Variants in RNF180 observed in about 807,000 individuals in gnomAD.
RNF180 encodes the protein E3 ubiquitin-protein ligase RNF180.
Under a neutral mutation model 59.2 loss-of-function variants are expected in RNF180, and 38 were observed. The observed-to-expected ratio is 0.64, with a 90% CI of 0.50 to 0.84. The LOEUF is 0.84. Ranked by LOEUF, RNF180 falls within the 40% of genes least tolerant of loss-of-function variation. The pLI is 0.00. For synonymous variants in RNF180, 262 were observed against 240.3 expected (o/e 1.09, Z -0.84); for missense variants, 705 against 700.9 (o/e 1.01, Z -0.07).
chr5:64,289,511 T>C (rs1742462704), intron 5 of RNF180, among the ~76,000 whole-genome samples: 1 of 152,108 alleles, frequency 6.6e-6, no homozygotes, highest in African/African-American at 2.4e-5. Flanking sequence ...GCTGTAATCC[T>C]CCTGGTCCTG....
At chr5:64,267,662 T>A (rs937939195) in intron 5 of RNF180, among the ~76,000 whole-genome samples, 31 of 152,152 alleles carry the variant, frequency 2.0e-4, no homozygotes, top group African/African-American at 7.5e-4. Flanking sequence ...TTCATCCATG[T>A]CCCTACAAAG....
At chr5:64,211,780 G>A (rs767824440) in intron 2 of RNF180, among the ~76,000 whole-genome samples, 1 of 152,198 alleles carries the variant, frequency 6.6e-6, no homozygotes, top group Non-Finnish European at 1.5e-5. Flanking sequence ...GACACTAGAT[G>A]TGTTCATTCA....
chr5:64,333,980 A>C (rs1156526894), intron 7 of RNF180, among the ~76,000 whole-genome samples: 1 of 152,224 alleles, frequency 6.6e-6, no homozygotes, highest in Non-Finnish European at 1.5e-5. Context: ...TATAACCAAG[A>C]GTCTAAAACC....
At chr5:64,359,058 A>C (rs1746139790) in intron 7 of RNF180, among the ~76,000 whole-genome samples, 1 of 151,048 alleles carries the variant, frequency 6.6e-6, no homozygotes, top group Middle Eastern at 3.4e-3. Flanking sequence ...GGTTGGTTCC[A>C]AGTCTTTGCT....
At chr5:64,299,818 T>C (rs1283981784) in intron 5 of RNF180, among the ~76,000 whole-genome samples, 3 of 151,954 alleles carry the variant, frequency 2.0e-5, no homozygotes, top group Non-Finnish European at 4.4e-5. Flanking sequence ...TGTAGTCAAC[T>C]GTACTCCAAA....
chr5:64,275,452 A>G (rs1561232855), intron 5 of RNF180, among the ~76,000 whole-genome samples: 1 of 151,418 alleles, frequency 6.6e-6, no homozygotes, highest in South Asian at 2.1e-4. Flanking sequence ...GTTAAATGAT[A>G]TAATGAAAAG....
chr5:64,308,768 T>A (rs1006816167), intron 5 of RNF180, among the ~76,000 whole-genome samples: 7 of 151,802 alleles, frequency 4.6e-5, no homozygotes, highest in Non-Finnish European at 1.0e-4. Flanking sequence ...AACCTTTTAC[T>A]AAAGTCTTAG....
intron 5 of RNF180, among the ~76,000 whole-genome samples, chr5:64,263,133 A>C (rs776356160): frequency 6.6e-6 from 1 of 152,168 alleles, no homozygotes; most frequent in African/African-American, 2.4e-5. Context: ...CATGATAAGG[A>C]TATTCAGGGG....
chr5:64,354,246 G>C (rs1745929665), intron 7 of RNF180, among the ~76,000 whole-genome samples: 1 of 151,610 alleles, frequency 6.6e-6, no homozygotes, highest in South Asian at 2.1e-4. Flanking sequence ...GAGAGAGGAT[G>C]CTTAATAAAT....
chr5:64,360,847 C>G (rs1746226470), intron 7 of RNF180, among the ~76,000 whole-genome samples: 1 of 151,540 alleles, frequency 6.6e-6, no homozygotes, highest in Non-Finnish European at 1.5e-5. Context: ...GCCTCATTTC[C>G]CATAGGGTAT....
intron 5 of RNF180, among the ~76,000 whole-genome samples, chr5:64,244,205 T>G (rs1297232792): frequency 6.6e-6 from 1 of 152,112 alleles, no homozygotes; most frequent in African/African-American, 2.4e-5. Context: ...TCACAACTCC[T>G]TACCAGCAAG....
At chr5:64,256,782 T>C (rs1282904519) in intron 5 of RNF180, among the ~76,000 whole-genome samples, 1 of 152,208 alleles carries the variant, frequency 6.6e-6, no homozygotes, top group African/African-American at 2.4e-5. Flanking sequence ...AATCTATAAA[T>C]TACCTTGGGC....
intron 5 of RNF180, among the ~76,000 whole-genome samples, chr5:64,279,249 C>A (rs1741880913): frequency 6.6e-6 from 1 of 152,042 alleles, no homozygotes. Context: ...TTATTGAGTA[C>A]AATGAGAACT....
At chr5:64,242,485 A>G (rs1742864853) in intron 5 of RNF180, among the ~76,000 whole-genome samples, 1 of 152,228 alleles carries the variant, frequency 6.6e-6, no homozygotes, top group Admixed American at 6.5e-5. Flanking sequence ...AAACAATTAA[A>G]AAAACTGAAG....
At chr5:64,361,976 CT>C (rs556954818) in intron 7 of RNF180, among the ~76,000 whole-genome samples, 35 of 151,224 alleles carry the variant, frequency 2.3e-4, no homozygotes, top group Non-Finnish European at 4.7e-4. Flanking sequence ...AAGCTCAACC[CT>C]ACCAGACAAA....
Position 64,291,249 on chromosome 5 carries a change from G to A in RNF180, c.1228-33937G>A, listed in dbSNP as rs114078303. On this transcript the variant is annotated intron_variant, in intron 5 of 7. Transcript: ENST00000389100. ...TTGTAGATGACCTGGCCTCCTCTCTGGCTGCCCTTAACATTTTTTATTTCA... is the reference window on the plus strand; with the variant it reads ...TTGTAGATGACCTGGCCTCCTCTCTAGCTGCCCTTAACATTTTTTATTTCA... Among the ~76,000 whole-genome samples the A allele has an allele frequency of 1.9e-3, 284 of 152,000 alleles. 1 individual carries two copies. Among genetic ancestry groups the A allele is most frequent in the Non-Finnish European group, 3.5e-3 (236 of 67,950 alleles).
chr5:64,276,720 C>G lies in RNF180; in HGVS notation c.1228-48466C>G, dbSNP rs577023886. The stretch of plus-strand genomic sequence containing the variant: ...TAAAAATAAATGAGGGAATACAAAT[C>G]AAAATAATGTAAACTCAGGGGATAT... On this transcript the variant is annotated intron_variant, in intron 5 of 7. Coordinates refer to ENST00000389100, the MANE Select transcript of RNF180 (RefSeq NM_001113561.2). Among the ~76,000 whole-genome samples, 9 of 151,776 alleles carry G rather than the reference C, an allele frequency of 5.9e-5. No homozygotes were observed. In the East Asian group the frequency reaches 9.7e-4, roughly 16 times the overall value.
At chr5:64,337,610 CTCA>C (rs1253103725) in intron 7 of RNF180, among the ~76,000 whole-genome samples, 1 of 151,354 alleles carries the variant, frequency 6.6e-6, no homozygotes, top group Non-Finnish European at 1.5e-5. Context: ...CACCCATTAA[CTCA>C]TCATTTAGCA....
intron 5 of RNF180, among the ~76,000 whole-genome samples, chr5:64,289,695 T>G (rs1464842944): frequency 2.0e-5 from 3 of 152,180 alleles, no homozygotes; most frequent in Non-Finnish European, 4.4e-5. Context: ...TTTATAGTAT[T>G]CTCTGTTGGT....
Sources: allele counts gnomAD v4.1 joint callset (sites outside exome capture counted in the v4.1 genomes callset), GRCh38; gene constraint gnomAD v4.1.1; transcripts MANE v1.5; gene names NCBI Gene and HGNC (gene_info 2026-07-23, HGNC 2026-07-21).